Variants in TRIP12 observed in about 807,000 individuals in gnomAD.
TRIP12 encodes thyroid hormone receptor interactor 12.
A neutral mutation model predicts 244.2 loss-of-function variants in TRIP12; 25 were observed. That is an observed-to-expected ratio of 0.10 (90% confidence interval 0.07 to 0.14). The LOEUF is 0.14. Ranked by LOEUF, TRIP12 falls within the 10% of genes least tolerant of loss-of-function variation. The probability of loss-of-function intolerance (pLI) is 1.00; values close to 1 mark genes in which losing one functional copy is unlikely to be tolerated. For synonymous variants in TRIP12, 905 were observed against 873.1 expected (o/e 1.04, Z -0.64); for missense variants, 1,677 against 2,486.4 (o/e 0.67, Z 6.92).
intron 1 of TRIP12, among the ~76,000 whole-genome samples, chr2:229,885,322 T>C (rs1443305477): frequency 6.6e-6 from 1 of 152,190 alleles, no homozygotes; most frequent in Non-Finnish European, 1.5e-5. Flanking sequence ...ATTACAGTAA[T>C]AAACACAATT....
chr2:229,819,040 C>CCA (rs370625320), intron 8 of TRIP12, among the ~76,000 whole-genome samples: 19,011 of 133,846 alleles, frequency 0.14, 1,412 homozygotes, highest in African/African-American at 0.21. Flanking sequence ...AAAATAAAAA[C>CCA]CACACACACA....
Position 229,810,939 on chromosome 2 carries a change from C to G in TRIP12, c.2162G>C (p.Arg721Pro). 6.2e-7 allele frequency: 1 copy of G among 1,614,062 alleles called. No homozygotes were observed. The highest frequency in any genetic ancestry group is 8.5e-7 in the Non-Finnish European group (1 of 1,179,980). Reference sequence around the variant, plus strand: ...GTTGGAACACATCAGAGAAAACATGCGAACCACCATTATAAACATCCCAGA... The same window carrying G: ...GTTGGAACACATCAGAGAAAACATGGGAACCACCATTATAAACATCCCAGA... ...LSSGMFIMVVRMFSLMCSNCP... is the reference protein window; with the variant it reads ...LSSGMFIMVVPMFSLMCSNCP... Residue 721 changes from arginine to proline, a missense_variant, in exon 15 of 42, where the codon CGC becomes CCC. Transcript: ENST00000675903.
Position 229,788,824 on chromosome 2 carries a change from T to C in TRIP12, c.4812A>G (p.Thr1604=), listed in dbSNP as rs149642198. 1.1e-3 allele frequency: 1,819 copies of C among 1,613,986 alleles called. 21 individuals carry two copies. The South Asian group carries it at 0.014, about 13-fold the overall frequency. ...AGGTTTTTCCTAGCTCAGTAAGCCATGTTGGGATGTTTCCTGTCATGATTA... is the reference window on the plus strand; with the variant it reads ...AGGTTTTTCCTAGCTCAGTAAGCCACGTTGGGATGTTTCCTGTCATGATTA... ...PLVIMTGNIP[T]WLTELGKTCP... is the part of the protein sequence containing the mutation. Residue 1604 remains threonine, a synonymous_variant, in exon 32 of 42, where the codon ACA becomes ACG. Coordinates refer to ENST00000675903, the MANE Select transcript of TRIP12 (RefSeq NM_001348323.3).
chr2:229,835,386 G>C (rs555757884), intron 6 of TRIP12, among the ~76,000 whole-genome samples: 1 of 152,238 alleles, frequency 6.6e-6, no homozygotes, highest in Admixed American at 6.5e-5. Context: ...ATAAATAGGG[G>C]AACAAAATTT....
chr2:229,782,826 G>T (rs571538747), intron 34 of TRIP12, among the ~76,000 whole-genome samples: 32 of 152,176 alleles, frequency 2.1e-4, no homozygotes, highest in Non-Finnish European at 3.7e-4. Context: ...TCACAACTTT[G>T]AGGTTATACT....
chr2:229,792,022 T>A lies in TRIP12; in HGVS notation c.4259A>T (p.Gln1420Leu). The A allele has an allele frequency of 6.2e-7, 1 of 1,614,128 alleles. No individual in the cohort carries two copies. The highest frequency in any genetic ancestry group is 8.5e-7 in the Non-Finnish European group (1 of 1,179,988). The part of the protein sequence containing the change: ...LNSGNVRHRL[Q>L]FYIGEHLLPY... Reference sequence around the variant, plus strand: ...CAGCAAATGTTCTCCAATATAAAACTGCAGCCTGTGTCTTACATTTCCTGA... The same window carrying A: ...CAGCAAATGTTCTCCAATATAAAACAGCAGCCTGTGTCTTACATTTCCTGA... Residue 1420 changes from glutamine to leucine, a missense_variant, in exon 29 of 42, where the codon CAG becomes CTG. Transcript: ENST00000675903.
At chr2:229,910,311 C>T (rs756042683) in intron 1 of TRIP12, among the ~76,000 whole-genome samples, 9 of 152,188 alleles carry the variant, frequency 5.9e-5, no homozygotes, top group Non-Finnish European at 1.2e-4. Context: ...CAGAAGTTAA[C>T]TCTGTAATTA....
chr2:229,802,576 T>C lies in TRIP12; in HGVS notation c.2999-117A>G, dbSNP rs560090479. ...CATAATACACAAAAAGACTAAAACA[T>C]AACTGGCAAATAGGTAAAAGAAATT... On this transcript the variant is annotated intron_variant, in intron 20 of 41. Transcript: ENST00000675903. The C allele has an allele frequency of 3.9e-5, 26 of 674,022 alleles. No homozygotes were observed. The South Asian group carries it at 7.1e-4, about 18-fold the overall frequency. 41.8% of individuals were successfully genotyped at this position (674,022 alleles called of 1,614,324 possible). A position where few individuals can be genotyped will look rare whatever the true frequency, so the allele number is the denominator to read the frequency against.
At chr2:229,834,366 A>G (rs1306810313) in intron 6 of TRIP12, among the ~76,000 whole-genome samples, 1 of 152,260 alleles carries the variant, frequency 6.6e-6, no homozygotes, top group African/African-American at 2.4e-5. Context: ...TTACAAGCAT[A>G]AAGAAAAATA....
intron 34 of TRIP12, among the ~76,000 whole-genome samples, chr2:229,781,851 T>TC (rs2154249525): frequency 6.6e-6 from 1 of 152,268 alleles, no homozygotes; most frequent in African/African-American, 2.4e-5. Context: ...GGAGGTACTT[T>TC]CCCCTTCCCC....
At chr2:229,850,221 C>G (rs904883287) in intron 4 of TRIP12, among the ~76,000 whole-genome samples, 48 of 152,122 alleles carry the variant, frequency 3.2e-4, no homozygotes, top group African/African-American at 1.2e-3. Context: ...AAAGCAAAGC[C>G]TTGTTAACAA....
chr2:229,919,945 T>C (rs2076189626), intron 1 of TRIP12, among the ~76,000 whole-genome samples: 1 of 152,238 alleles, frequency 6.6e-6, no homozygotes, highest in African/African-American at 2.4e-5. Flanking sequence ...AGAAATTCTG[T>C]ATACTTTAAA....
At position 229,892,753 on chromosome 2, in the gene TRIP12, C is replaced by A. The variant is rs542221767; in HGVS notation, c.-49-12625G>T. ...TGGTAGTGCGCATCTCTAGTCCCAGCGACTTTCGGGGCTGAGGTGGGAGGA... is the reference window on the plus strand; with the variant it reads ...TGGTAGTGCGCATCTCTAGTCCCAGAGACTTTCGGGGCTGAGGTGGGAGGA... On this transcript the variant is annotated intron_variant, in intron 1 of 41. Transcript: ENST00000675903. Among the ~76,000 whole-genome samples the A allele has an allele frequency of 1.5e-3, 221 of 152,076 alleles. 1 individual carries two copies. The highest frequency in any genetic ancestry group is 5.0e-3 in the African/African-American group (206 of 41,474).
intron 2 of TRIP12, among the ~76,000 whole-genome samples, chr2:229,863,565 C>T (rs192828636): frequency 1.1e-4 from 16 of 152,204 alleles, no homozygotes; most frequent in Non-Finnish European, 1.5e-4. Flanking sequence ...TCAGCCCATG[C>T]GCTATAGTTT....
chr2:229,886,605 T>A (rs2066082331), intron 1 of TRIP12, among the ~76,000 whole-genome samples: 1 of 152,066 alleles, frequency 6.6e-6, no homozygotes, highest in Admixed American at 6.6e-5. Flanking sequence ...TAGCTGGGAC[T>A]ACAGTCGTGC....
chr2:229,879,873 A>G, intron 2 of TRIP12, 109 bp downstream of exon 2: 1 of 1,235,902 alleles, frequency 8.1e-7, no homozygotes, highest in Non-Finnish European at 1.2e-6. Context: ...AAATCAGGAA[A>G]AATTACCCAT....
At chr2:229,856,777 ATAGT>A (rs2059676744) in intron 4 of TRIP12, among the ~76,000 whole-genome samples, 1 of 152,256 alleles carries the variant, frequency 6.6e-6, no homozygotes, top group Non-Finnish European at 1.5e-5. Flanking sequence ...GGAAGGACAA[ATAGT>A]TGGTTGTCCT....
intron 8 of TRIP12, among the ~76,000 whole-genome samples, chr2:229,824,525 T>A (rs2050973081): frequency 1.3e-5 from 2 of 151,494 alleles, no homozygotes; most frequent in African/African-American, 2.4e-5. Context: ...AAAAAAAAAC[T>A]GAAAACTCAA....
intron 4 of TRIP12, among the ~76,000 whole-genome samples, chr2:229,843,291 T>C (rs1245559075): frequency 6.6e-6 from 1 of 152,188 alleles, no homozygotes; most frequent in Non-Finnish European, 1.5e-5. Context: ...CTTGACCTTA[T>C]TATATTGGTA....
Sources: allele counts gnomAD v4.1 joint callset (sites outside exome capture counted in the v4.1 genomes callset), GRCh38; gene constraint gnomAD v4.1.1; transcripts MANE v1.5; gene names NCBI Gene and HGNC (gene_info 2026-07-23, HGNC 2026-07-21).